Variants in EHBP1 observed in about 807,000 individuals in gnomAD.
EHBP1 encodes the protein EH domain binding protein 1.
EHBP1 carries 55 observed loss-of-function variants against 144.0 expected under a neutral mutation model. The ratio of observed to expected loss-of-function variants is 0.38; its 90% CI spans 0.31 to 0.48. The LOEUF (loss-of-function observed/expected upper bound fraction) is 0.48, where lower values mean the gene tolerates loss of function less well. Among genes scored for constraint, EHBP1 ranks in the 20% least tolerant of loss-of-function variants. The pLI is 0.98. For synonymous variants in EHBP1, 469 were observed against 472.7 expected (o/e 0.99, Z 0.10); for missense variants, 1,200 against 1,364.2 (o/e 0.88, Z 1.90).
intron 10 of EHBP1, among the ~76,000 whole-genome samples, chr2:62,936,790 A>G (rs1259920497): frequency 6.6e-6 from 1 of 152,150 alleles, no homozygotes; most frequent in Non-Finnish European, 1.5e-5. Context: ...AACACTTTGA[A>G]AAAAAAATAA....
chr2:63,038,994 A>G lies in EHBP1; in HGVS notation c.3277+178A>G, dbSNP rs537651351. Among the ~76,000 whole-genome samples, 4 of 152,320 alleles carry G rather than the reference A, an allele frequency of 2.6e-5. No individual in the cohort carries two copies. The East Asian group carries it at 7.7e-4, about 29-fold the overall frequency. On this transcript the variant is annotated intron_variant, in intron 21 of 22. Coordinates refer to ENST00000431489, the MANE Select transcript of EHBP1 (RefSeq NM_001142616.3). Reference sequence around the variant, plus strand: ...TATAAACTTAAGGACCCTAATTCAGATAGATAATCATTATGTTTGCTATTA... The same window carrying G: ...TATAAACTTAAGGACCCTAATTCAGGTAGATAATCATTATGTTTGCTATTA...
intron 10 of EHBP1, among the ~76,000 whole-genome samples, chr2:62,891,782 A>G (rs2052479911): frequency 6.6e-6 from 1 of 152,124 alleles, no homozygotes; most frequent in Non-Finnish European, 1.5e-5. Context: ...TTTTAAGTTT[A>G]TGGCTTAGGA....
intron 2 of EHBP1, among the ~76,000 whole-genome samples, chr2:62,731,272 C>A (rs951042299): frequency 6.6e-6 from 1 of 152,108 alleles, no homozygotes; most frequent in Non-Finnish European, 1.5e-5. Context: ...TTGTATCCTG[C>A]AATCTTGCTA....
chr2:62,820,708 TGG>T (rs1297298271), intron 5 of EHBP1, among the ~76,000 whole-genome samples: 1 of 132,790 alleles, frequency 7.5e-6, no homozygotes, highest in East Asian at 2.1e-4. Context: ...AGTATTCCAT[TGG>T]GTGTGTGTGT....
chr2:62,706,602 T>G (rs1335604374), intron 1 of EHBP1: 1 of 153,004 alleles, frequency 6.5e-6, no homozygotes, highest in African/African-American at 2.4e-5. Flanking sequence ...TGCTCGCCCT[T>G]CAGTGATGCT....
intron 10 of EHBP1, among the ~76,000 whole-genome samples, chr2:62,917,426 T>A (rs887351139): frequency 6.6e-6 from 1 of 152,270 alleles, no homozygotes; most frequent in East Asian, 1.9e-4. Flanking sequence ...CTATGTATAT[T>A]AATATAAACA....
intron 10 of EHBP1, among the ~76,000 whole-genome samples, chr2:62,887,614 C>G (rs1017415423): frequency 6.6e-6 from 1 of 151,704 alleles, no homozygotes; most frequent in Non-Finnish European, 1.5e-5. Flanking sequence ...GTGCCACACA[C>G]CTGTAGTCCC....
chr2:62,712,614 G>C (rs2035256922), intron 2 of EHBP1, among the ~76,000 whole-genome samples: 1 of 152,186 alleles, frequency 6.6e-6, no homozygotes, highest in South Asian at 2.1e-4. Context: ...CAGGGAAATT[G>C]AGAGCAAATG....
Position 62,875,187 on chromosome 2 carries a change from A to G in EHBP1, c.1185+655A>G, listed in dbSNP as rs986718806. ...TCCCCACTGCCCCATCAGTATGGGC[A>G]TGAACCTCACTGCTGCCACCCCGAT... On this transcript the variant is annotated intron_variant, in intron 10 of 22. Transcript: ENST00000431489. Among the ~76,000 whole-genome samples, 5 of 152,356 alleles carry G rather than the reference A, an allele frequency of 3.3e-5. No homozygotes were observed. In the East Asian group the frequency reaches 7.7e-4, roughly 24 times the overall value.
In EHBP1 at chr2:62,690,440, G is replaced by C. The variant is rs547106721; in HGVS notation, c.-296+16357G>C. Among the ~76,000 whole-genome samples, 3 of 151,960 alleles carry C rather than the reference G, an allele frequency of 2.0e-5. No homozygotes were observed. The South Asian group carries it at 6.2e-4, about 32-fold the overall frequency. On this transcript the variant is annotated intron_variant, in intron 1 of 22. Transcript: ENST00000405015. ...AGCTGGGTGTGGTGGTGGGCACCTGGAATCCCAGCTACTTGGGAGGCTGAG... is the reference window on the plus strand; with the variant it reads ...AGCTGGGTGTGGTGGTGGGCACCTGCAATCCCAGCTACTTGGGAGGCTGAG...
At chr2:62,803,586 C>T (rs955338732) in intron 5 of EHBP1, among the ~76,000 whole-genome samples, 2 of 152,174 alleles carry the variant, frequency 1.3e-5, no homozygotes, top group Non-Finnish European at 2.9e-5. Context: ...TGTTTATTAG[C>T]CATGCATGTT....
rs571055623 is a variant in EHBP1 at position 62,802,426 on chromosome 2, C to T, written c.313-23661C>T. Among the ~76,000 whole-genome samples, 5 of 152,284 alleles carry T rather than the reference C, an allele frequency of 3.3e-5. No homozygotes were observed. In the East Asian group the frequency reaches 7.7e-4, roughly 23 times the overall value. On this transcript the variant is annotated intron_variant, in intron 5 of 22. Coordinates refer to ENST00000431489, the MANE Select transcript of EHBP1 (RefSeq NM_001142616.3). The stretch of plus-strand genomic sequence containing the variant: ...GTCCAAAATGCCAGTAGAGCTATTG[C>T]TCAGAAATGTTGTCTTAGCTTATTT...
chr2:62,877,915 A>G (rs1403329492), intron 10 of EHBP1, among the ~76,000 whole-genome samples: 2 of 152,208 alleles, frequency 1.3e-5, no homozygotes, highest in Non-Finnish European at 2.9e-5. Flanking sequence ...TACCACACCT[A>G]GAGGAACTAG....
chr2:62,951,538 G>GGC (rs1553485967), intron 13 of EHBP1, among the ~76,000 whole-genome samples: 1 of 142,038 alleles, frequency 7.0e-6, no homozygotes, highest in Non-Finnish European at 1.6e-5. Flanking sequence ...TTTTTTTGGG[G>GGC]GGGGGGGGTG....
In EHBP1 at chr2:62,707,272, C is replaced by T. The variant is rs2034680891; in HGVS notation, c.81C>T (p.Leu27=). The change falls in exon 2 of 23, where the codon CTC becomes CTT. Residue 27 remains leucine, a synonymous_variant. Coordinates refer to ENST00000431489, the MANE Select transcript of EHBP1 (RefSeq NM_001142616.3). ...KFQFVASYQE[L]MVECTKKWQP... ...AGTTTGTGGCCTCCTACCAGGAGCTCATGGTTGAGTGTACGAAGAAATGGT... is the reference window on the plus strand; with the variant it reads ...AGTTTGTGGCCTCCTACCAGGAGCTTATGGTTGAGTGTACGAAGAAATGGT... The T allele has an allele frequency of 6.2e-7, 1 of 1,614,010 alleles. No individual in the cohort carries two copies. Among genetic ancestry groups the T allele is most frequent in the South Asian group, 1.1e-5 (1 of 91,064 alleles).
chr2:63,035,993 G>A (rs942332423), intron 19 of EHBP1, among the ~76,000 whole-genome samples: 2 of 151,952 alleles, frequency 1.3e-5, no homozygotes, highest in Admixed American at 6.6e-5. Flanking sequence ...GTCCTAAGTC[G>A]GCTTCGTACC....
intron 10 of EHBP1, among the ~76,000 whole-genome samples, chr2:62,920,783 C>T (rs577294794): frequency 2.6e-5 from 4 of 152,220 alleles, no homozygotes. Context: ...CTGCCTCAGC[C>T]TTCCGAGTAG....
intron 5 of EHBP1, among the ~76,000 whole-genome samples, chr2:62,780,836 C>G (rs1013740085): frequency 8.5e-5 from 13 of 152,142 alleles, no homozygotes; most frequent in Admixed American, 1.3e-4. Flanking sequence ...CAACAGAGTA[C>G]TGTTTTCATA....
intron 10 of EHBP1, among the ~76,000 whole-genome samples, chr2:62,880,941 G>A (rs2051354248): frequency 6.6e-6 from 1 of 151,984 alleles, no homozygotes; most frequent in African/African-American, 2.4e-5. Context: ...TACTAGGTAT[G>A]TTTATCACAG....
Sources: allele counts gnomAD v4.1 joint callset (sites outside exome capture counted in the v4.1 genomes callset), GRCh38; gene constraint gnomAD v4.1.1; transcripts MANE v1.5; gene names NCBI Gene and HGNC (gene_info 2026-07-23, HGNC 2026-07-21).